Variants in CPEB3 observed in about 807,000 individuals in gnomAD.
CPEB3 encodes cytoplasmic polyadenylation element binding protein 3, also known as cytoplasmic polyadenylation element-binding protein 3.
A neutral mutation model predicts 67.2 loss-of-function variants in CPEB3; 20 were observed. That is an observed-to-expected ratio of 0.30 (90% CI 0.21 to 0.43). The LOEUF (loss-of-function observed/expected upper bound fraction) is 0.43, where lower values mean the gene tolerates loss of function less well. Among genes scored for constraint, CPEB3 ranks in the 20% least tolerant of loss-of-function variants. CPEB3 has a pLI of 1.00. For synonymous variants in CPEB3, 376 were observed against 393.1 expected, an observed-to-expected ratio of 0.96 and a Z score of 0.51; for missense variants, 746 against 968.6, an observed-to-expected ratio of 0.77 and a Z score of 3.05.
intron 2 of CPEB3, among the ~76,000 whole-genome samples, chr10:92,196,766 CAA>C (rs563620027): frequency 1.2e-4 from 14 of 113,086 alleles, no homozygotes; most frequent in Non-Finnish European, 1.3e-4. Context: ...GACTCCGTCT[CAA>C]AAAAAAAAAA....
rs548988956 is a variant in CPEB3, at chr10:92,256,253, T to TC, written c.-11-15893dup. On this transcript the variant is annotated intron_variant, in intron 1 of 9. Coordinates refer to ENST00000265997, the MANE Select transcript of CPEB3 (RefSeq NM_014912.5). ...TACAGCAGTGATCTCCTAATGTCTC[T>TC]CATCTAGTATTCTTCCAAATGTGGC... 2.7e-3 allele frequency among the ~76,000 whole-genome samples: 417 copies of TC among 152,210 alleles called. 4 individuals are homozygous for TC. The highest frequency in any genetic ancestry group is 6.8e-3 in the Middle Eastern group (2 of 294).
At chr10:92,253,463 C>CAAAAAAAAA (rs370091703) in intron 1 of CPEB3, among the ~76,000 whole-genome samples, 123 of 75,610 alleles carry the variant, frequency 1.6e-3, no homozygotes, top group Admixed American at 2.7e-3. Context: ...TGTCTCAAAA[C>CAAAAAAAAA]AAAAAAAAAA....
chr10:92,242,235 C>G (rs748882874), intron 1 of CPEB3, among the ~76,000 whole-genome samples: 25 of 152,184 alleles, frequency 1.6e-4, no homozygotes, highest in Non-Finnish European at 3.1e-4. Context: ...CATTCCCCTG[C>G]CTTTCCTCCC....
intron 2 of CPEB3, among the ~76,000 whole-genome samples, chr10:92,226,271 C>T (rs1417544854): frequency 6.6e-6 from 1 of 152,184 alleles, no homozygotes; most frequent in African/African-American, 2.4e-5. Flanking sequence ...TTTAATCATT[C>T]CTTTGTCTGA....
At chr10:92,081,248 T>C (rs1419919536) in intron 9 of CPEB3, 72 bp downstream of exon 9, 1 of 1,554,176 alleles carries the variant, frequency 6.4e-7, no homozygotes, top group Non-Finnish European at 8.9e-7. Context: ...ATAAGGTGCC[T>C]TTCTTCCCAG....
chr10:92,106,226 C>A (rs893991546), intron 7 of CPEB3, among the ~76,000 whole-genome samples: 3 of 151,100 alleles, frequency 2.0e-5, no homozygotes, highest in South Asian at 2.1e-4. Context: ...ATACTATTAA[C>A]CTTTTTTTTT....
At chr10:92,245,812 G>A (rs913607209) in intron 1 of CPEB3, among the ~76,000 whole-genome samples, 3 of 152,048 alleles carry the variant, frequency 2.0e-5, no homozygotes, top group Non-Finnish European at 1.5e-5. Context: ...CGAGGCGGCT[G>A]GATCACCTGA....
chr10:92,275,681 A>C (rs1036336505), intron 1 of CPEB3, among the ~76,000 whole-genome samples: 5 of 152,084 alleles, frequency 3.3e-5, no homozygotes, highest in African/African-American at 1.2e-4. Context: ...TGTCAACTCC[A>C]AATCTCCAAC....
intron 9 of CPEB3, among the ~76,000 whole-genome samples, chr10:92,072,782 T>C (rs1270851616): frequency 6.6e-6 from 1 of 152,190 alleles, no homozygotes; most frequent in Non-Finnish European, 1.5e-5. Flanking sequence ...TGCCTGTGAC[T>C]GCCCCACTCT....
At chr10:92,198,066 A>G (rs1039371486) in intron 2 of CPEB3, among the ~76,000 whole-genome samples, 1 of 152,216 alleles carries the variant, frequency 6.6e-6, no homozygotes, top group African/African-American at 2.4e-5. Flanking sequence ...AGATCACGCC[A>G]TTGCACTCCA....
chr10:92,153,691 G>A (rs1012446587), intron 4 of CPEB3, among the ~76,000 whole-genome samples: 11 of 152,174 alleles, frequency 7.2e-5, no homozygotes, highest in African/African-American at 2.4e-4. Context: ...TGAGGCAGGC[G>A]AATTGCTTGA....
Position 92,145,042 on chromosome 10 carries a change from A to G in CPEB3, c.1266T>C (p.Ser422=). 4 of 1,614,100 alleles carry G rather than the reference A, an allele frequency of 2.5e-6. No homozygotes were observed. The highest frequency in any genetic ancestry group is 3.4e-6 in the Non-Finnish European group (4 of 1,179,932). Residue 422 remains serine, a synonymous_variant, in exon 5 of 10, where the codon TCT becomes TCC. Coordinates refer to ENST00000265997, the MANE Select transcript of CPEB3 (RefSeq NM_014912.5). ...DDSHGDQALS[S]GLSSPTRCQN... The stretch of plus-strand genomic sequence containing the variant: ...GACAGCGAGTGGGAGAACTTAAGCC[A>G]GATGACAAGGCTTGATCACCATGGC...
chr10:92,094,752 A>C (rs1356276343), intron 7 of CPEB3, among the ~76,000 whole-genome samples: 1 of 151,464 alleles, frequency 6.6e-6, no homozygotes, highest in African/African-American at 2.4e-5. Context: ...CCTTTTACTA[A>C]TTTTTTCATT....
At position 92,190,234 on chromosome 10, in the gene CPEB3, C is replaced by A. The variant is rs182211043; in HGVS notation, c.1165+2243G>T. Among the ~76,000 whole-genome samples, 15 of 151,868 alleles carry A rather than the reference C, an allele frequency of 9.9e-5. No homozygotes were observed. The East Asian group carries it at 2.9e-3, about 30-fold the overall frequency. On this transcript the variant is annotated intron_variant, in intron 3 of 9. Coordinates refer to ENST00000265997, the MANE Select transcript of CPEB3 (RefSeq NM_014912.5). ...CAGAGGTTGCAGTGAGCCAACATCA[C>A]GCCATTGCACTCCAGCCTGGGCGAC...
At chr10:92,270,089 A>G (rs1201162748) in intron 1 of CPEB3, among the ~76,000 whole-genome samples, 1 of 152,300 alleles carries the variant, frequency 6.6e-6, no homozygotes, top group African/African-American at 2.4e-5. Flanking sequence ...TAATTCCTCA[A>G]ACAGTCACTG....
chr10:92,062,241 T>C (rs1395117542), intron 9 of CPEB3, among the ~76,000 whole-genome samples: 11 of 33,516 alleles, frequency 3.3e-4, no homozygotes, highest in Non-Finnish European at 2.3e-4. Flanking sequence ...TGAGACCCTG[T>C]CTCAAAAAAA....
At chr10:92,205,827 A>G (rs1187857023) in intron 2 of CPEB3, among the ~76,000 whole-genome samples, 2 of 152,058 alleles carry the variant, frequency 1.3e-5, no homozygotes, top group Admixed American at 6.6e-5. Context: ...AACTACACAC[A>G]AATTATGTGT....
chr10:92,269,719 G>A (rs1460985802), intron 1 of CPEB3, among the ~76,000 whole-genome samples: 2 of 151,974 alleles, frequency 1.3e-5, no homozygotes, highest in African/African-American at 4.8e-5. Flanking sequence ...CACTGTGCCC[G>A]GGTACTTTTT....
At chr10:92,177,744 A>G (rs1235881387) in intron 4 of CPEB3, among the ~76,000 whole-genome samples, 1 of 152,216 alleles carries the variant, frequency 6.6e-6, no homozygotes, top group African/African-American at 2.4e-5. Flanking sequence ...ACACCAAAAA[A>G]TGGGAACTTG....
Sources: allele counts gnomAD v4.1 joint callset (sites outside exome capture counted in the v4.1 genomes callset), GRCh38; gene constraint gnomAD v4.1.1; transcripts MANE v1.5; gene names NCBI Gene and HGNC (gene_info 2026-07-23, HGNC 2026-07-21).